The following WSB1 variants were observed in gnomAD, a reference collection of about 807,000 sequenced individuals.
WSB1 encodes the protein WD repeat and SOCS box-containing protein 1.
In WSB1, 23 loss-of-function variants were observed where a neutral mutation model predicts 50.2. The ratio of observed to expected loss-of-function variants is 0.46; its 90% CI spans 0.33 to 0.65. The LOEUF (loss-of-function observed/expected upper bound fraction) is 0.65. Ranked by LOEUF, WSB1 falls within the 30% of genes least tolerant of loss-of-function variation. The pLI, the probability that WSB1 is intolerant of heterozygous loss-of-function variation, is 0.02. For synonymous variants in WSB1, 179 were observed against 172.0 expected, an observed-to-expected ratio of 1.04 and a Z score of -0.32; for missense variants, 492 against 522.3, an observed-to-expected ratio of 0.94 and a Z score of 0.56.
intron 1 of WSB1, among the ~76,000 whole-genome samples, chr17:27,295,490 G>A (rs2016917351): frequency 6.6e-6 from 1 of 151,850 alleles, no homozygotes; most frequent in Non-Finnish European, 1.5e-5. Flanking sequence ...TCTTAGGGAT[G>A]ATTGATTAGG....
chr17:27,294,313 G>T lies in WSB1; in HGVS notation c.-83G>T, dbSNP rs1468135053. On this transcript the variant is annotated 5_prime_UTR_variant, in exon 1 of 9. Transcript: ENST00000262394. ...CCTGGGCCCGGGAGGGACCAACTTGGCGTCACGCCCCTCAGCGGTCGCCAC... is the reference window on the plus strand; with the variant it reads ...CCTGGGCCCGGGAGGGACCAACTTGTCGTCACGCCCCTCAGCGGTCGCCAC... 1 of 1,570,430 alleles carries T rather than the reference G, an allele frequency of 6.4e-7. No individual in the cohort carries two copies. Among genetic ancestry groups the T allele is most frequent in the African/African-American group, 1.3e-5 (1 of 74,234 alleles).
intron 1 of WSB1, 52 bp from the exon 2 acceptor site, chr17:27,301,736 A>G (rs1321916261): frequency 6.3e-7 from 1 of 1,580,776 alleles, no homozygotes; most frequent in Non-Finnish European, 8.7e-7. Context: ...AAGCAGTCTC[A>G]CATGTATTGT....
intron 5 of WSB1, chr17:27,308,370 A>G (rs1390389796): frequency 4.1e-6 from 4 of 985,250 alleles, no homozygotes; most frequent in Non-Finnish European, 4.8e-6. Flanking sequence ...CTAAAATTGT[A>G]TATGAACTTA....
rs142046323 is a variant in WSB1 at position 27,304,763 on chromosome 17, T to G, written c.479-17T>G. On this transcript the variant is annotated splice_polypyrimidine_tract_variant and intron_variant, in intron 3 of 8. Transcript: ENST00000262394. Reference sequence around the variant, plus strand: ...ATATTAATACTGTCTTTTTTTTCCCTTTTCTATCATATTTAGGAAAACTCC... The same window carrying G: ...ATATTAATACTGTCTTTTTTTTCCCGTTTCTATCATATTTAGGAAAACTCC... The G allele has an allele frequency of 1.2e-6, 2 of 1,606,376 alleles. No homozygotes were observed. The highest frequency in any genetic ancestry group is 4.5e-5 in the East Asian group (2 of 44,746).
chr17:27,298,450 A>G (rs2017081145), intron 1 of WSB1, among the ~76,000 whole-genome samples: 1 of 152,206 alleles, frequency 6.6e-6, no homozygotes. Flanking sequence ...TGCCTGATGC[A>G]GTGGGTCATG....
At position 27,311,633 on chromosome 17, in the gene WSB1, C is replaced by CTTTT. The variant is rs142949229; in HGVS notation, c.1106+40_1106+43dup. On this transcript the variant is annotated intron_variant, in intron 8 of 8. Coordinates refer to ENST00000262394, the MANE Select transcript of WSB1 (RefSeq NM_015626.10). ...AGCTGCTGGGTAAATATATTTTTCT[C>CTTTT]TTTTTTTTTTTTTTTTTTTTTTTTT... The CTTTT allele has an allele frequency of 2.3e-3, 1,117 of 490,818 alleles. 1 individual carries two copies. The highest frequency in any genetic ancestry group is 7.0e-3 in the South Asian group (253 of 35,920). The allele number at this position is 490,818 out of a possible 1,614,324, so 30.4% of individuals were successfully genotyped here.
intron 6 of WSB1, 144 bp from the exon 7 acceptor site, chr17:27,309,917 G>A (rs2017607787): frequency 1.6e-6 from 1 of 625,096 alleles, no homozygotes; most frequent in Non-Finnish European, 2.8e-6. Flanking sequence ...CTTTAATTTG[G>A]ATGTATCATC....
At chr17:27,295,679 T>C (rs1482663974) in intron 1 of WSB1, among the ~76,000 whole-genome samples, 1 of 152,214 alleles carries the variant, frequency 6.6e-6, no homozygotes, top group Non-Finnish European at 1.5e-5. Flanking sequence ...TGTCGCGAAG[T>C]GGGACAAAGA....
intron 2 of WSB1, 98 bp from the exon 3 acceptor site, chr17:27,303,269 T>C (rs2017308757): frequency 7.6e-7 from 1 of 1,308,862 alleles, no homozygotes; most frequent in Admixed American, 2.2e-5. Context: ...ATTATAATAA[T>C]ATTGAGGTTA....
At chr17:27,305,757 C>G (rs112109506) in intron 4 of WSB1, among the ~76,000 whole-genome samples, 120 of 152,314 alleles carry the variant, frequency 7.9e-4, no homozygotes, top group African/African-American at 2.7e-3. Flanking sequence ...AGGACCTTCT[C>G]TGTGTTTTAT....
intron 1 of WSB1, among the ~76,000 whole-genome samples, chr17:27,296,925 G>A (rs932309662): frequency 3.3e-5 from 5 of 152,080 alleles, no homozygotes; most frequent in South Asian, 2.1e-4. Context: ...TTTAATCTGA[G>A]CACTTAAATC....
chr17:27,302,683 C>G (rs1308872001), intron 2 of WSB1: 1 of 152,306 alleles, frequency 6.6e-6, no homozygotes, highest in African/African-American at 2.4e-5. Context: ...CCTCAGCCTC[C>G]CTAAGTGCTG....
At position 27,312,462 on chromosome 17, in the gene WSB1, G is replaced by A. The variant is rs533178921; in HGVS notation, c.*93G>A. On this transcript the variant is annotated 3_prime_UTR_variant, in exon 9 of 9. Coordinates refer to ENST00000262394, the MANE Select transcript of WSB1 (RefSeq NM_015626.10). ...ACTTCAATTATCTGTTTTTAAAGAC[G>A]TAGAAGATTTATTTAATTTGATATG... The A allele has an allele frequency of 1.4e-5, 21 of 1,500,550 alleles. No homozygotes were observed. The highest frequency in any genetic ancestry group is 6.2e-5 in the South Asian group (5 of 80,006). The allele number at this position is 1,500,550 out of a possible 1,614,324, so 93.0% of individuals were successfully genotyped here. A position where few individuals can be genotyped will look rare whatever the true frequency, so the allele number is the denominator to read the frequency against.
At position 27,314,096 on chromosome 17, in the gene WSB1, G is replaced by A. The variant is rs1259322312; in HGVS notation, c.*1727G>A. The A allele has an allele frequency of 6.6e-6, 1 of 152,130 alleles. No homozygotes were observed. Among genetic ancestry groups the A allele is most frequent in the Non-Finnish European group, 1.5e-5 (1 of 68,014 alleles). The allele number at this position is 152,130 out of a possible 1,614,324, so 9.4% of individuals were successfully genotyped here. Reference sequence around the variant, plus strand: ...AAGTTCCTATGGTTAGCTCTGTTAAGGAATGTAAAAATTTATAGGGGGTGT... The same window carrying A: ...AAGTTCCTATGGTTAGCTCTGTTAAAGAATGTAAAAATTTATAGGGGGTGT... On this transcript the variant is annotated 3_prime_UTR_variant, in exon 9 of 9. Transcript: ENST00000262394.
intron 5 of WSB1, chr17:27,308,207 GAA>G (rs11331002): frequency 1.1e-4 from 102 of 925,512 alleles, no homozygotes; most frequent in Middle Eastern, 5.6e-4. Context: ...TGTCTGTGCA[GAA>G]AAAAAAAAAA....
At chr17:27,296,020 G>A (rs565257406) in intron 1 of WSB1, among the ~76,000 whole-genome samples, 42 of 152,206 alleles carry the variant, frequency 2.8e-4, no homozygotes, top group Admixed American at 2.4e-3. Context: ...TTTTAGTAGA[G>A]ATGGGGTTTC....
At chr17:27,303,693 A>G (rs140063055) in intron 3 of WSB1, 58 bp downstream of exon 3, 7 of 1,562,474 alleles carry the variant, frequency 4.5e-6, no homozygotes, top group Non-Finnish European at 5.2e-6. Flanking sequence ...GGCACTGCTT[A>G]TAGGCACTGG....
intron 1 of WSB1, among the ~76,000 whole-genome samples, chr17:27,298,471 A>G (rs1333621927): frequency 6.6e-6 from 1 of 152,110 alleles, no homozygotes; most frequent in Non-Finnish European, 1.5e-5. Context: ...CCTTAATCTC[A>G]CCGCTTTGGG....
At chr17:27,299,948 A>C (rs1436679883) in intron 1 of WSB1, among the ~76,000 whole-genome samples, 7 of 143,098 alleles carry the variant, frequency 4.9e-5, no homozygotes, top group African/African-American at 1.8e-4. Flanking sequence ...TATCATAGAA[A>C]AGTAGGTCTC....
Sources: allele counts gnomAD v4.1 joint callset (sites outside exome capture counted in the v4.1 genomes callset), GRCh38; gene constraint gnomAD v4.1.1; transcripts MANE v1.5; gene names NCBI Gene and HGNC (gene_info 2026-07-23, HGNC 2026-07-21).